C8orf34: variants seen among roughly 807,000 people sequenced by gnomAD.
The protein encoded by C8orf34 is uncharacterized protein C8orf34.
C8orf34 carries 65 observed loss-of-function variants against 68.3 expected under a neutral mutation model. That is an observed-to-expected ratio of 0.95 (90% CI 0.78 to 1.17). The LOEUF (loss-of-function observed/expected upper bound fraction) is 1.17. Among genes scored for constraint, C8orf34 ranks in the 50% most tolerant of loss-of-function variants. The probability of loss-of-function intolerance (pLI) is 0.00; values close to 1 mark genes in which losing one functional copy is unlikely to be tolerated. For missense variants in C8orf34, 664 were observed against 655.4 expected, an observed-to-expected ratio of 1.01 and a Z score of -0.14; for synonymous variants, 244 against 241.2, an observed-to-expected ratio of 1.01 and a Z score of -0.11.
intron 7 of C8orf34, among the ~76,000 whole-genome samples, chr8:68,554,510 C>CT (rs997782224): frequency 1.3e-5 from 2 of 152,038 alleles, no homozygotes; most frequent in African/African-American, 4.8e-5. Flanking sequence ...TACAGTCACT[C>CT]TTTTTTTCCT....
intron 8 of C8orf34, among the ~76,000 whole-genome samples, chr8:68,693,360 C>T (rs891516107): frequency 6.6e-6 from 1 of 152,082 alleles, no homozygotes; most frequent in African/African-American, 2.4e-5. Flanking sequence ...AAAGTCAAAA[C>T]ACATGTATGT....
chr8:68,478,240 A>C (rs1201753825), intron 4 of C8orf34, among the ~76,000 whole-genome samples: 1 of 151,820 alleles, frequency 6.6e-6, no homozygotes, highest in Non-Finnish European at 1.5e-5. Flanking sequence ...AAAGATCCAC[A>C]GATCTGCCCT....
At chr8:68,520,617 ATTTT>A (rs34335751) in intron 5 of C8orf34, among the ~76,000 whole-genome samples, 116 of 134,234 alleles carry the variant, frequency 8.6e-4, no homozygotes, top group African/African-American at 2.1e-3. Flanking sequence ...CGCCCGGCTA[ATTTT>A]TTTTTTTTTT....
chr8:68,458,365 G>C (rs573719174), intron 3 of C8orf34, among the ~76,000 whole-genome samples: 129 of 152,238 alleles, frequency 8.5e-4, no homozygotes, highest in African/African-American at 2.8e-3. Flanking sequence ...CATTCAGTGG[G>C]TAGGTCTGCA....
chr8:68,590,215 G>A (rs1817346190), intron 7 of C8orf34, among the ~76,000 whole-genome samples: 1 of 148,218 alleles, frequency 6.7e-6, no homozygotes, highest in African/African-American at 2.5e-5. Context: ...GGGAGGGCAG[G>A]AAGGAAGGAG....
At chr8:68,616,137 T>C (rs1025187956) in intron 7 of C8orf34, among the ~76,000 whole-genome samples, 1 of 151,282 alleles carries the variant, frequency 6.6e-6, no homozygotes, top group Admixed American at 6.6e-5. Context: ...GGTGGTGATA[T>C]CCCCTTTATT....
chr8:68,484,246 G>A (rs764231753), intron 4 of C8orf34, among the ~76,000 whole-genome samples: 1 of 152,160 alleles, frequency 6.6e-6, no homozygotes, highest in Admixed American at 6.5e-5. Context: ...TCATGAGAGC[G>A]GCAACAAAGA....
At chr8:68,768,060 T>C (rs1267486191) in intron 10 of C8orf34, among the ~76,000 whole-genome samples, 1 of 152,198 alleles carries the variant, frequency 6.6e-6, no homozygotes, top group Non-Finnish European at 1.5e-5. Context: ...ATGAATCATT[T>C]CTCTAATAGC....
At chr8:68,368,619 G>A (rs1427667542) in intron 1 of C8orf34, among the ~76,000 whole-genome samples, 1 of 152,042 alleles carries the variant, frequency 6.6e-6, no homozygotes, top group Non-Finnish European at 1.5e-5. Context: ...CCTTTATAAA[G>A]TTAGGAAAGT....
chr8:68,419,114 T>A (rs1023095797), intron 1 of C8orf34, among the ~76,000 whole-genome samples: 1 of 151,688 alleles, frequency 6.6e-6, no homozygotes, highest in Non-Finnish European at 1.5e-5. Context: ...GAATCTACAA[T>A]GAACTCAAAC....
intron 10 of C8orf34, among the ~76,000 whole-genome samples, chr8:68,744,308 A>G (rs1822405884): frequency 6.6e-6 from 1 of 152,094 alleles, no homozygotes; most frequent in Admixed American, 6.5e-5. Context: ...AAAACTGGAA[A>G]CTCTAAAAAG....
chr8:68,765,775 T>C (rs1823154313), intron 10 of C8orf34, among the ~76,000 whole-genome samples: 1 of 152,256 alleles, frequency 6.6e-6, no homozygotes, highest in Admixed American at 6.5e-5. Context: ...TAGCATTTTC[T>C]CTAAATCACT....
chr8:68,349,377 G>A (rs1806413691), intron 1 of C8orf34, among the ~76,000 whole-genome samples: 1 of 151,812 alleles, frequency 6.6e-6, no homozygotes, highest in African/African-American at 2.4e-5. Context: ...TCAATTTGCA[G>A]GTATTTTGTT....
At chr8:68,441,593 A>C (rs1044284371) in intron 2 of C8orf34, among the ~76,000 whole-genome samples, 3 of 151,696 alleles carry the variant, frequency 2.0e-5, no homozygotes, top group African/African-American at 7.3e-5. Context: ...TGAACTCCTG[A>C]GCTCAAGTGA....
At chr8:68,523,588 A>C (rs1814849752) in intron 6 of C8orf34, among the ~76,000 whole-genome samples, 1 of 152,200 alleles carries the variant, frequency 6.6e-6, no homozygotes, top group South Asian at 2.1e-4. Context: ...AATTCTGCCC[A>C]GGTGCCCCCA....
Position 68,563,093 on chromosome 8 carries a change from C to T in C8orf34, c.1105+29944C>T, listed in dbSNP as rs534102672. ...GTGACTCTTTTCCTTATTCTACCAC[C>T]ATTAACCTCCTAATATTACTAACAC... On this transcript the variant is annotated intron_variant, in intron 7 of 13. Coordinates refer to ENST00000518698, the MANE Select transcript of C8orf34 (RefSeq NM_052958.4). Among the ~76,000 whole-genome samples the T allele has an allele frequency of 3.3e-5, 5 of 152,240 alleles. No individual in the cohort carries two copies. The South Asian group carries it at 8.3e-4, about 25-fold the overall frequency.
chr8:68,729,140 C>T (rs967902385), intron 10 of C8orf34, among the ~76,000 whole-genome samples: 2 of 152,204 alleles, frequency 1.3e-5, no homozygotes, highest in Non-Finnish European at 2.9e-5. Flanking sequence ...ACAGCAAGAG[C>T]ATTGCTCCTA....
chr8:68,782,464 A>G lies in C8orf34; in HGVS notation c.1456-4979A>G, dbSNP rs188600119. Among the ~76,000 whole-genome samples the G allele has an allele frequency of 5.3e-3, 793 of 151,042 alleles. 2 individuals are homozygous for G. Among genetic ancestry groups the G allele is most frequent in the African/African-American group, 0.018 (760 of 41,122 alleles). On this transcript the variant is annotated intron_variant, in intron 11 of 13. Coordinates refer to ENST00000518698, the MANE Select transcript of C8orf34 (RefSeq NM_052958.4). Reference sequence around the variant, plus strand: ...TTTTTTTTTGCTGACTTTCCCTGCAATAGGCCATCTAGTGCCTCTCACATT... The same window carrying G: ...TTTTTTTTTGCTGACTTTCCCTGCAGTAGGCCATCTAGTGCCTCTCACATT...
chr8:68,579,594 A>G (rs764404302), intron 7 of C8orf34, among the ~76,000 whole-genome samples: 8 of 152,106 alleles, frequency 5.3e-5, no homozygotes, highest in Non-Finnish European at 1.0e-4. Flanking sequence ...CTTTTTATTT[A>G]AATGTTCCCT....
Sources: allele counts gnomAD v4.1 joint callset (sites outside exome capture counted in the v4.1 genomes callset), GRCh38; gene constraint gnomAD v4.1.1; transcripts MANE v1.5; gene names NCBI Gene and HGNC (gene_info 2026-07-23, HGNC 2026-07-21).